B4GALNT3: variants seen among roughly 807,000 people sequenced by gnomAD.
B4GALNT3 encodes beta-1,4-N-acetylgalactosaminyltransferase 3.
In B4GALNT3, 86 loss-of-function variants were observed where a neutral mutation model predicts 120.2. The observed-to-expected ratio is 0.72, with a 90% CI of 0.60 to 0.86. The LOEUF (loss-of-function observed/expected upper bound fraction) is 0.86, where lower values mean the gene tolerates loss of function less well. B4GALNT3 is among the 40% of genes least tolerant of loss of function. B4GALNT3 has a pLI of 0.00. For missense variants in B4GALNT3, 1,167 were observed against 1,298.9 expected, an observed-to-expected ratio of 0.90 and a Z score of 1.56; for synonymous variants, 518 against 510.4, an observed-to-expected ratio of 1.01 and a Z score of -0.20.
chr12:557,512 C>T (rs1947171853), intron 15 of B4GALNT3, 96 bp from the exon 16 acceptor site: 1 of 1,311,262 alleles, frequency 7.6e-7, no homozygotes, highest in Admixed American at 2.2e-5. Context: ...GTCCGATGGG[C>T]ACTCCTGACT....
chr12:556,072 T>A (rs57940854), intron 14 of B4GALNT3, among the ~76,000 whole-genome samples: 4 of 151,930 alleles, frequency 2.6e-5, no homozygotes, highest in Non-Finnish European at 5.9e-5. Flanking sequence ...TGTGAGCCAC[T>A]GCACCTGGCA....
At chr12:470,709 GC>G (rs995737814) in intron 1 of B4GALNT3, among the ~76,000 whole-genome samples, 5 of 152,048 alleles carry the variant, frequency 3.3e-5, no homozygotes, top group African/African-American at 9.7e-5. Context: ...GGGAGAGACC[GC>G]TACCCCATTT....
rs964400116 is a variant in B4GALNT3, at chr12:561,604, C to T, written c.*153C>T. On this transcript the variant is annotated 3_prime_UTR_variant, in exon 20 of 20. Transcript: ENST00000266383. The stretch of plus-strand genomic sequence containing the variant: ...CCCACTCCACCTGGAGCTGTCCCCT[C>T]ACAGAGGCAGGTTCCGGGGCTCCTG... 25 of 620,922 alleles carry T rather than the reference C, an allele frequency of 4.0e-5. No individual in the cohort carries two copies. Among genetic ancestry groups the T allele is most frequent in the Non-Finnish European group, 6.4e-5 (23 of 358,426 alleles). The allele number at this position is 620,922 out of a possible 1,614,324, so 38.5% of individuals were successfully genotyped here.
At position 559,328 on chromosome 12, in the gene B4GALNT3, G is replaced by A. The variant is rs1407075509; in HGVS notation, c.2795G>A (p.Gly932Asp). 11 of 1,613,936 alleles carry A rather than the reference G, an allele frequency of 6.8e-6. No homozygotes were observed. The highest frequency in any genetic ancestry group is 6.7e-5 in the African/African-American group (5 of 74,912). ...GAGGTGAATGGGTTCGGGCTGCTTG[G>A]CATCTACAAGTCTGACCTGGACAGG... Reference protein sequence around the residue: ...YWEVNGFGLLGIYKSDLDRIG... With the variant: ...YWEVNGFGLLDIYKSDLDRIG... Residue 932 changes from glycine to aspartate, a missense_variant, in exon 19 of 20, where the codon GGC becomes GAC. Around this residue, in one of 3 missense-constraint regions of B4GALNT3, gnomAD observed 983 missense variants for 1,102.5 expected, o/e 0.89. Coordinates refer to ENST00000266383, the MANE Select transcript of B4GALNT3 (RefSeq NM_173593.4).
intron 1 of B4GALNT3, among the ~76,000 whole-genome samples, chr12:504,499 G>C (rs1378297641): frequency 2.2e-5 from 3 of 135,034 alleles, no homozygotes; most frequent in African/African-American, 8.2e-5. Flanking sequence ...TCACTCTGTT[G>C]CCCAGGCTGG....
chr12:557,943 A>G, intron 16 of B4GALNT3, 73 bp from the exon 17 acceptor site: 8 of 1,550,908 alleles, frequency 5.2e-6, no homozygotes, highest in South Asian at 1.1e-5. Context: ...TCTCTCTTCT[A>G]TGCCTGCCAA....
chr12:547,074 C>A (rs1302687042), intron 7 of B4GALNT3, among the ~76,000 whole-genome samples: 1 of 152,246 alleles, frequency 6.6e-6, no homozygotes, highest in Non-Finnish European at 1.5e-5. Context: ...ACACGAGTCC[C>A]TTTCCCTTGC....
chr12:543,453 C>T (rs1158452857), intron 3 of B4GALNT3, among the ~76,000 whole-genome samples: 3 of 117,880 alleles, frequency 2.5e-5, no homozygotes, highest in Non-Finnish European at 5.2e-5. Context: ...CTGGGGCGGG[C>T]ATGGGGTGCT....
rs142833414 is a variant in B4GALNT3, at chr12:544,765, A to G, written c.448-117A>G. 2.0e-4 allele frequency: 200 copies of G among 1,017,456 alleles called. No individual in the cohort carries two copies. In the African/African-American group the frequency reaches 2.7e-3, roughly 14 times the overall value. 63.0% of individuals were successfully genotyped at this position (1,017,456 alleles called of 1,614,324 possible). A position where few individuals can be genotyped will look rare whatever the true frequency, so the allele number is the denominator to read the frequency against. ...AAATTGAGCCTGCACTCCACTCACA[A>G]AGCCACAGCCCTGGTCCCTCCTGTC... On this transcript the variant is annotated intron_variant, in intron 4 of 19. Transcript: ENST00000266383.
chr12:533,879 C>T (rs924176340), intron 1 of B4GALNT3, among the ~76,000 whole-genome samples: 8 of 152,196 alleles, frequency 5.3e-5, no homozygotes, highest in Non-Finnish European at 7.3e-5. Context: ...CAGAAACACT[C>T]GTGCATAGCG....
chr12:514,514 A>G (rs1319953527), intron 1 of B4GALNT3, among the ~76,000 whole-genome samples: 1 of 152,108 alleles, frequency 6.6e-6, no homozygotes, highest in Admixed American at 6.5e-5. Context: ...TTTAAATAAA[A>G]GACTAATAAA....
chr12:559,225 C>T, intron 18 of B4GALNT3, 70 bp from the exon 19 acceptor site: 2 of 1,598,818 alleles, frequency 1.3e-6, no homozygotes, highest in Admixed American at 1.7e-5. Flanking sequence ...AGGCACACAG[C>T]CTGGAAGCCT....
intron 1 of B4GALNT3, among the ~76,000 whole-genome samples, chr12:500,865 C>CTTTTTTTTTGTTTTTTTTTTTTTTTT: frequency 1.6e-5 from 1 of 61,830 alleles, no homozygotes; most frequent in African/African-American, 7.5e-5. Flanking sequence ...GGCTCCACTG[C>CTTTTTTTTTGTTTTTTTTTTTTTTTT]TTTTTTTTTT....
intron 11 of B4GALNT3, 133 bp downstream of exon 11, chr12:551,164 G>T (rs2120718962): frequency 1.3e-6 from 1 of 774,544 alleles, no homozygotes; most frequent in East Asian, 2.7e-5. Flanking sequence ...CGTCCTCACA[G>T]GTCCCTGGGC....
At position 467,452 on chromosome 12, in the gene B4GALNT3, G is replaced by A. The variant is rs141336511; in HGVS notation, c.169+6907G>A. 1.5e-3 allele frequency among the ~76,000 whole-genome samples: 227 copies of A among 152,256 alleles called. 2 individuals are homozygous for A. The highest frequency in any genetic ancestry group is 6.8e-3 in the Middle Eastern group (2 of 294). On this transcript the variant is annotated intron_variant, in intron 1 of 19. Transcript: ENST00000266383. Reference sequence around the variant, plus strand: ...TGTGTGCCTGTAGTCCCAGCTACTCGGGAGGCTGAGGCACAAGAGTCGCTT... The same window carrying A: ...TGTGTGCCTGTAGTCCCAGCTACTCAGGAGGCTGAGGCACAAGAGTCGCTT...
At chr12:486,379 T>C (rs1379058720) in intron 1 of B4GALNT3, among the ~76,000 whole-genome samples, 1 of 151,594 alleles carries the variant, frequency 6.6e-6, no homozygotes, top group Non-Finnish European at 1.5e-5. Flanking sequence ...CCGGCTAATT[T>C]TTGTCTTTTT....
At chr12:546,955 C>A in intron 7 of B4GALNT3, 1 of 542,770 alleles carries the variant, frequency 1.8e-6, no homozygotes. Context: ...TTTAGTGACA[C>A]GCGGGACTGG....
chr12:534,897 G>A (rs1205024014), intron 1 of B4GALNT3, among the ~76,000 whole-genome samples: 3 of 152,202 alleles, frequency 2.0e-5, no homozygotes, highest in East Asian at 1.9e-4. Flanking sequence ...TGGGAGGCCC[G>A]TGGTCCAGGC....
chr12:489,995 A>T (rs1031941924), intron 1 of B4GALNT3, among the ~76,000 whole-genome samples: 2 of 152,232 alleles, frequency 1.3e-5, no homozygotes, highest in African/African-American at 4.8e-5. Context: ...GATATTTAAA[A>T]ATGTGCTTTC....
Sources: gnomAD v4.1 joint callset for allele counts (sites outside exome capture counted in the v4.1 genomes callset) on GRCh38, gnomAD v4.1.1 for gene constraint, gnomAD v4.1.1 regional missense constraint, MANE v1.5 for transcripts, NCBI Gene and HGNC (gene_info 2026-07-23, HGNC 2026-07-21) for gene names.